Variants in AUTS2 observed in about 807,000 individuals in gnomAD.
AUTS2 encodes the protein autism susceptibility gene 2 protein.
AUTS2 carries 17 observed loss-of-function variants against 112.4 expected under a neutral mutation model. The observed-to-expected ratio is 0.15, with a 90% CI of 0.10 to 0.23. The LOEUF (loss-of-function observed/expected upper bound fraction) is 0.23, where lower values mean the gene tolerates loss of function less well. Ranked by LOEUF, AUTS2 falls within the 10% of genes least tolerant of loss-of-function variation. AUTS2 has a pLI of 1.00. For synonymous variants in AUTS2, 751 were observed against 702.7 expected, an observed-to-expected ratio of 1.07 and a Z score of -1.09; for missense variants, 1,510 against 1,701.6, an observed-to-expected ratio of 0.89 and a Z score of 1.98.
chr7:69,617,091 CAG>C (rs1022173963), intron 1 of AUTS2, among the ~76,000 whole-genome samples: 13 of 152,056 alleles, frequency 8.5e-5, no homozygotes, highest in African/African-American at 2.4e-4. Flanking sequence ...TGGGAGGTGA[CAG>C]GGGATTTTAT....
chr7:70,222,999 T>C (rs1327632366), intron 4 of AUTS2, among the ~76,000 whole-genome samples: 1 of 151,704 alleles, frequency 6.6e-6, no homozygotes, highest in Non-Finnish European at 1.5e-5. Flanking sequence ...GCGGTTCTCC[T>C]GCCTCAGTCT....
At chr7:70,489,897 A>G (rs910312353) in intron 5 of AUTS2, among the ~76,000 whole-genome samples, 2 of 152,226 alleles carry the variant, frequency 1.3e-5, no homozygotes, top group South Asian at 2.1e-4. Context: ...ATTAAACAAC[A>G]TATTTCTAAA....
chr7:69,814,576 G>C (rs868133898), intron 1 of AUTS2, among the ~76,000 whole-genome samples: 17 of 152,344 alleles, frequency 1.1e-4, no homozygotes, highest in Middle Eastern at 3.4e-3. Flanking sequence ...TGCACAGTCT[G>C]GAGCCGCTCT....
At chr7:70,433,342 C>T (rs143639529) in intron 4 of AUTS2, among the ~76,000 whole-genome samples, 2 of 152,254 alleles carry the variant, frequency 1.3e-5, no homozygotes, top group East Asian at 1.9e-4. Context: ...TCACAAGGAG[C>T]GCTGTGAACA....
At position 70,104,205 on chromosome 7, in the gene AUTS2, G is replaced by T. The variant is rs1804649138; in HGVS notation, c.523-13927G>T. 8.0e-5 allele frequency among the ~76,000 whole-genome samples: 12 copies of T among 150,116 alleles called. No homozygotes were observed. In the South Asian group the frequency reaches 2.5e-3, roughly 32 times the overall value. ...TTTTTTTTTTTACCAGCAGCTCAAT[G>T]AGGGTTTCTATTATATATCAAGGGG... On this transcript the variant is annotated intron_variant, in intron 2 of 18. Transcript: ENST00000342771.
intron 4 of AUTS2, among the ~76,000 whole-genome samples, chr7:70,327,410 G>A (rs1402964792): frequency 1.3e-5 from 2 of 152,154 alleles, no homozygotes; most frequent in Non-Finnish European, 2.9e-5. Context: ...AGTTTTGTGG[G>A]AGCTGGATAG....
chr7:70,639,511 G>C (rs1163705672), intron 5 of AUTS2, among the ~76,000 whole-genome samples: 2 of 150,898 alleles, frequency 1.3e-5, no homozygotes, highest in African/African-American at 4.9e-5. Flanking sequence ...AGCTACTGGG[G>C]GGGTGGTGAG....
chr7:70,471,148 AAG>A (rs1400037609), intron 5 of AUTS2, among the ~76,000 whole-genome samples: 1 of 152,194 alleles, frequency 6.6e-6, no homozygotes, highest in Non-Finnish European at 1.5e-5. Flanking sequence ...TTCTTGAAGA[AAG>A]AGGTTCCAAT....
chr7:70,519,644 A>G (rs1477045510), intron 5 of AUTS2, among the ~76,000 whole-genome samples: 2 of 152,370 alleles, frequency 1.3e-5, no homozygotes, highest in South Asian at 4.1e-4. Context: ...CGTATCTCAT[A>G]TGCTACTCCC....
chr7:70,676,067 A>G (rs1807894957), intron 5 of AUTS2, among the ~76,000 whole-genome samples: 1 of 152,178 alleles, frequency 6.6e-6, no homozygotes, highest in Non-Finnish European at 1.5e-5. Context: ...ATGGCCTAGG[A>G]ATGTAAAGTA....
intron 4 of AUTS2, among the ~76,000 whole-genome samples, chr7:70,385,343 T>A (rs1397674256): frequency 6.6e-6 from 1 of 152,252 alleles, no homozygotes; most frequent in Non-Finnish European, 1.5e-5. Flanking sequence ...TTGACTTTTT[T>A]ATCTTCTTGA....
At chr7:70,433,016 G>C (rs2130838059) in intron 4 of AUTS2, among the ~76,000 whole-genome samples, 1 of 152,270 alleles carries the variant, frequency 6.6e-6, no homozygotes, top group South Asian at 2.1e-4. Context: ...TGGCATCCGT[G>C]CTGCTTCCAT....
intron 1 of AUTS2, among the ~76,000 whole-genome samples, chr7:69,808,658 A>G (rs1562897433): frequency 6.6e-6 from 1 of 152,076 alleles, no homozygotes; most frequent in Non-Finnish European, 1.5e-5. Flanking sequence ...CCCCACTCTA[A>G]TGTAGCCTGT....
chr7:70,190,957 A>G (rs947657151), intron 4 of AUTS2, among the ~76,000 whole-genome samples: 2 of 152,150 alleles, frequency 1.3e-5, no homozygotes, highest in Non-Finnish European at 2.9e-5. Context: ...TTTTAACAGT[A>G]TCTTACTGTA....
At chr7:70,382,432 A>T (rs538958868) in intron 4 of AUTS2, among the ~76,000 whole-genome samples, 3 of 151,228 alleles carry the variant, frequency 2.0e-5, no homozygotes, top group African/African-American at 7.3e-5. Context: ...ACACACACAC[A>T]CTCTCTCTTG....
Position 69,882,202 on chromosome 7 carries a change from T to C in AUTS2, c.310-17084T>C, listed in dbSNP as rs1367194799. On this transcript the variant is annotated intron_variant, in intron 1 of 18. Transcript: ENST00000342771. ...AGACCAAGTGATAGGCTGGGCGTGC[T>C]GGCTCATGCCTGTAATCCCAGCACT... Among the ~76,000 whole-genome samples the C allele has an allele frequency of 6.1e-5, 9 of 147,894 alleles. 1 individual carries two copies. The highest frequency in any genetic ancestry group is 1.5e-5 in the Non-Finnish European group (1 of 67,296).
At chr7:70,522,995 A>G (rs1585251999) in intron 5 of AUTS2, among the ~76,000 whole-genome samples, 1 of 152,234 alleles carries the variant, frequency 6.6e-6, no homozygotes, top group African/African-American at 2.4e-5. Context: ...TAAGAATGAG[A>G]CCGCCATTTC....
intron 1 of AUTS2, among the ~76,000 whole-genome samples, chr7:69,881,286 C>G (rs1265321036): frequency 6.6e-6 from 1 of 152,038 alleles, no homozygotes; most frequent in Admixed American, 6.6e-5. Flanking sequence ...TCCTTTTTCC[C>G]CGTCTTTCCC....
At chr7:69,855,130 G>T (rs1245839473) in intron 1 of AUTS2, among the ~76,000 whole-genome samples, 2 of 152,300 alleles carry the variant, frequency 1.3e-5, no homozygotes, top group East Asian at 3.9e-4. Flanking sequence ...AAAGGGTCTT[G>T]TCTATAAATT....
Sources: allele counts gnomAD v4.1 joint callset (sites outside exome capture counted in the v4.1 genomes callset), GRCh38; gene constraint gnomAD v4.1.1; transcripts MANE v1.5; gene names NCBI Gene and HGNC (gene_info 2026-07-23, HGNC 2026-07-21).